CUL9: variants seen among roughly 807,000 people sequenced by gnomAD.
The protein encoded by CUL9 is cullin-9.
Under a neutral mutation model 272.6 loss-of-function variants are expected in CUL9, and 79 were observed. The ratio of observed to expected loss-of-function variants is 0.29; its 90% CI spans 0.24 to 0.35. The LOEUF is 0.35. Among genes scored for constraint, CUL9 ranks in the 10% least tolerant of loss-of-function variants. CUL9 has a pLI of 1.00. For missense variants in CUL9, 2,532 were observed against 3,255.6 expected, an observed-to-expected ratio of 0.78 and a Z score of 5.41; for synonymous variants, 1,186 against 1,286.5, an observed-to-expected ratio of 0.92 and a Z score of 1.67.
chr6:43,211,177 G>T (rs1445059628), intron 26 of CUL9, among the ~76,000 whole-genome samples: 1 of 152,028 alleles, frequency 6.6e-6, no homozygotes, highest in Non-Finnish European at 1.5e-5. Context: ...TTTATTCAGG[G>T]ATATTTACAT....
In CUL9 at chr6:43,184,033, G is replaced by A. The variant is rs959325895; in HGVS notation, c.-9-269G>A. The stretch of plus-strand genomic sequence containing the variant: ...CCTAAAGTGCTGGGATTACAGGCGT[G>A]AGCCACTGGGCGCAGCCAACTCTTC... On this transcript the variant is annotated intron_variant, in intron 1 of 40. Transcript: ENST00000252050. This position sits in a 1 kb window ranked among gnomAD's most constrained non-coding sequence, Gnocchi z 4.8. Among the ~76,000 whole-genome samples, 1 of 152,124 alleles carries A rather than the reference G, an allele frequency of 6.6e-6. No individual in the cohort carries two copies. Among genetic ancestry groups the A allele is most frequent in the Non-Finnish European group, 1.5e-5 (1 of 68,024 alleles).
At chr6:43,192,085 A>G (rs1773576609) in intron 8 of CUL9, among the ~76,000 whole-genome samples, 1 of 133,506 alleles carries the variant, frequency 7.5e-6, no homozygotes, top group Admixed American at 7.9e-5. Flanking sequence ...TTTTTGAGAC[A>G]GGGTCTCACT....
rs757165088 is a variant in CUL9, at chr6:43,206,381, A to G, written c.5083A>G (p.Ile1695Val). 1.4e-5 allele frequency: 23 copies of G among 1,614,066 alleles called. No homozygotes were observed. Among genetic ancestry groups the G allele is most frequent in the Middle Eastern group, 3.3e-4 (2 of 6,084 alleles). Residue 1695 changes from isoleucine (I) to valine (V), a missense_variant, in exon 26 of 41, where the codon ATT becomes GTT. Transcript: ENST00000252050. The surrounding 1 kb of genome is among the most constrained non-coding windows in gnomAD (Gnocchi z 4.8). ...ATTTATCGAAGATCCAAGTCCAGCC[A>G]TTTCTATACTGGTCCTGTCACCACG... ...ELFIEDPSPA[I>V]SILVLSPRCW...
intron 12 of CUL9, 27 bp downstream of exon 12, chr6:43,198,882 A>C (rs1179881407): frequency 6.2e-7 from 1 of 1,601,124 alleles, no homozygotes; most frequent in Admixed American, 1.7e-5. Context: ...GGCACCATGC[A>C]TTGGGACGAG....
intron 6 of CUL9, 39 bp from the exon 7 acceptor site, chr6:43,187,674 T>G (rs372354725): frequency 1.9e-6 from 3 of 1,593,680 alleles, no homozygotes; most frequent in Non-Finnish European, 2.6e-6. Context: ...GACCTTTGTG[T>G]CTGCTTGTCT....
Position 43,213,683 on chromosome 6 carries a change from C to G in CUL9, c.5489-30C>G. The G allele has an allele frequency of 6.2e-7, 1 of 1,609,710 alleles. No homozygotes were observed. Among genetic ancestry groups the G allele is most frequent in the East Asian group, 2.2e-5 (1 of 44,800 alleles). The stretch of plus-strand genomic sequence containing the variant: ...CCCCATTCATCTGTCCCTCTGCCTC[C>G]TCTGGTACCTGACCGGGAGCGGGTT... On this transcript the variant is annotated intron_variant, in intron 28 of 40. Transcript: ENST00000252050. This position sits in a 1 kb window ranked among gnomAD's most constrained non-coding sequence, Gnocchi z 5.7.
chr6:43,197,611 G>A (rs1432409784), intron 11 of CUL9, among the ~76,000 whole-genome samples: 1 of 151,858 alleles, frequency 6.6e-6, no homozygotes, highest in African/African-American at 2.4e-5. Flanking sequence ...AGCCTCCTGA[G>A]TAGCTGGGAT....
chr6:43,186,241 G>A lies in CUL9; in HGVS notation c.1037G>A (p.Ser346Asn). 2 of 1,614,208 alleles carry A rather than the reference G, an allele frequency of 1.2e-6. No individual in the cohort carries two copies. The highest frequency in any genetic ancestry group is 1.7e-6 in the Non-Finnish European group (2 of 1,180,042). Residue 346 changes from serine to asparagine, a missense_variant, in exon 4 of 41, where the codon AGC becomes AAC. Transcript: ENST00000252050. ...SIFQPYISGPSLLLPTIVTTP... is the reference protein window; with the variant it reads ...SIFQPYISGPNLLLPTIVTTP... ...TTTCAGCCCTACATTTCAGGCCCCA[G>A]CCTTTTACTCCCCACCATTGTCACC...
chr6:43,200,082 C>G lies in CUL9; in HGVS notation c.3310C>G (p.Leu1104Val). Residue 1104 changes from leucine to valine, a missense_variant, in exon 14 of 41, where the codon CTG becomes GTG. By Grantham distance (32) the Leu-to-Val change is conservative (BLOSUM62 1). This residue lies in a region of CUL9 where 2,218 missense variants were observed against 2,788.6 expected (regional missense o/e 0.80). Coordinates refer to ENST00000252050, the MANE Select transcript of CUL9 (RefSeq NM_015089.4). This position sits in a 1 kb window ranked among gnomAD's most constrained non-coding sequence, Gnocchi z 4.0. ...GCTGCTGGGCTGTGAGCTTCGGGAC[C>G]TGGTGACAGAGTGTGAGAAGTACGC... Reference protein sequence around the residue: ...QLLLGCELRDLVTECEKYAQL... With the variant: ...QLLLGCELRDVVTECEKYAQL... 1.2e-6 allele frequency: 2 copies of G among 1,614,206 alleles called. No homozygotes were observed. Among genetic ancestry groups the G allele is most frequent in the Non-Finnish European group, 1.7e-6 (2 of 1,180,018 alleles).
intron 8 of CUL9, among the ~76,000 whole-genome samples, chr6:43,189,694 C>T (rs576083692): frequency 6.0e-4 from 92 of 152,276 alleles, no homozygotes; most frequent in African/African-American, 2.1e-3. Context: ...CAGGTGCCCA[C>T]CACCAGGCCC....
In CUL9 at chr6:43,203,029, G is replaced by T; in HGVS notation, c.3754-80G>T. 2 of 1,496,736 alleles carry T rather than the reference G, an allele frequency of 1.3e-6. No homozygotes were observed. The highest frequency in any genetic ancestry group is 1.9e-6 in the Non-Finnish European group (2 of 1,076,840). The allele number at this position is 1,496,736 out of a possible 1,614,324, so 92.7% of individuals were successfully genotyped here. A position where few individuals can be genotyped will look rare whatever the true frequency, so the allele number is the denominator to read the frequency against. The stretch of plus-strand genomic sequence containing the variant: ...GAAGTGAAGGGCACACACCATGACC[G>T]ACTTGGTTACTGTCAACAATTTTTC... On this transcript the variant is annotated intron_variant, in intron 17 of 40. Coordinates refer to ENST00000252050, the MANE Select transcript of CUL9 (RefSeq NM_015089.4). This position sits in a 1 kb window ranked among gnomAD's most constrained non-coding sequence, Gnocchi z 5.0.
chr6:43,194,958 G>A (rs1773871609), intron 9 of CUL9, among the ~76,000 whole-genome samples: 1 of 152,150 alleles, frequency 6.6e-6, no homozygotes, highest in South Asian at 2.1e-4. Flanking sequence ...GGGAGGCTGA[G>A]GCGGGAGAAT....
chr6:43,214,343 C>T (rs1302423201), intron 29 of CUL9, among the ~76,000 whole-genome samples: 1 of 152,106 alleles, frequency 6.6e-6, no homozygotes, highest in African/African-American at 2.4e-5. Context: ...TTGCTTGACC[C>T]AGGAGGCGGA....
At position 43,220,491 on chromosome 6, in the gene CUL9, C is replaced by A. The variant is rs771857842; in HGVS notation, c.6315C>A (p.Ile2105=). Residue 2105 remains isoleucine, a synonymous_variant, in exon 32 of 41, where the codon ATC becomes ATA. Coordinates refer to ENST00000252050, the MANE Select transcript of CUL9 (RefSeq NM_015089.4). This position sits in a 1 kb window ranked among gnomAD's most constrained non-coding sequence, Gnocchi z 4.9. ...SCWNEYLTTR[I]EQNLVLNCTC... ...GGAATGAGTACCTGACAACTCGGATCGAGCAGAACCTTGTTTTGAATTGCA... is the reference window on the plus strand; with the variant it reads ...GGAATGAGTACCTGACAACTCGGATAGAGCAGAACCTTGTTTTGAATTGCA... The A allele has an allele frequency of 3.1e-6, 5 of 1,614,036 alleles. No homozygotes were observed. The highest frequency in any genetic ancestry group is 3.4e-6 in the Non-Finnish European group (4 of 1,180,018).
chr6:43,206,585 T>C lies in CUL9; in HGVS notation c.5212+75T>C. On this transcript the variant is annotated intron_variant, in intron 26 of 40. Transcript: ENST00000252050. This position sits in a 1 kb window ranked among gnomAD's most constrained non-coding sequence, Gnocchi z 4.8. Reference sequence around the variant, plus strand: ...GCAAGAGAGGAAGAGGAGAGGACCTTTGGACAGGATATAGATGTGAAGAAA... The same window carrying C: ...GCAAGAGAGGAAGAGGAGAGGACCTCTGGACAGGATATAGATGTGAAGAAA... 2.2e-6 allele frequency: 3 copies of C among 1,379,404 alleles called. No homozygotes were observed. The highest frequency in any genetic ancestry group is 3.1e-6 in the Non-Finnish European group (3 of 972,126). 85.4% of individuals were successfully genotyped at this position (1,379,404 alleles called of 1,614,324 possible). A position where few individuals can be genotyped will look rare whatever the true frequency, so the allele number is the denominator to read the frequency against.
chr6:43,204,438 G>A lies in CUL9; in HGVS notation c.4238G>A (p.Ser1413Asn). 1.2e-6 allele frequency: 2 copies of A among 1,614,196 alleles called. No homozygotes were observed. The highest frequency in any genetic ancestry group is 3.3e-4 in the Middle Eastern group (2 of 6,062). ...EQRETSRNPL[S>N]RAASFASRVR... ...AGAGAGACCTCTCGGAACCCCTTGA[G>A]TCGAGCAGCGTCCTTTGCTTCTCGA... Residue 1413 changes from serine to asparagine, a missense_variant, in exon 21 of 41, where the codon AGT (serine) becomes AAT (asparagine). Ser to Asn is a conservative substitution (Grantham distance 46, BLOSUM62 1). This residue lies in a region of CUL9 where 2,218 missense variants were observed against 2,788.6 expected (regional missense o/e 0.80). Transcript: ENST00000252050.
rs769606434 is a variant in CUL9 at position 43,188,171 on chromosome 6, T to C, written c.1987+53T>C. 8.1e-6 allele frequency: 13 copies of C among 1,597,006 alleles called. 1 individual carries two copies. In the East Asian group the frequency reaches 2.9e-4, roughly 36 times the overall value. ...TGGAACAAGTCCTGGGTAGTCTCAG[T>C]AGAAGAAATGGATAGTCAGGATCGA... is the stretch of plus-strand genomic sequence containing the variant. On this transcript the variant is annotated intron_variant, in intron 7 of 40. Transcript: ENST00000252050.
chr6:43,185,901 G>A (rs1772866344), intron 3 of CUL9, 54 bp from the exon 4 acceptor site: 2 of 1,536,488 alleles, frequency 1.3e-6, no homozygotes, highest in African/African-American at 1.4e-5. Flanking sequence ...TCAGGGAAGG[G>A]GAGAGGCTAA....
chr6:43,194,315 T>A (rs996671513), intron 9 of CUL9, among the ~76,000 whole-genome samples: 1 of 151,784 alleles, frequency 6.6e-6, no homozygotes, highest in African/African-American at 2.4e-5. Context: ...CTTTTTTCTT[T>A]TTTCTTTTCT....
Sources: allele counts gnomAD v4.1 joint callset (sites outside exome capture counted in the v4.1 genomes callset), GRCh38; gene constraint gnomAD v4.1.1; regional missense constraint gnomAD v4.1.1; non-coding constraint Gnocchi (gnomAD v3.1); transcripts MANE v1.5; gene names NCBI Gene and HGNC (gene_info 2026-07-23, HGNC 2026-07-21).